The following RAI1 variants were observed in gnomAD, a reference collection of about 807,000 sequenced individuals.
The protein encoded by RAI1 is retinoic acid-induced protein 1.
A neutral mutation model predicts 123.8 loss-of-function variants in RAI1; 9 were observed. The observed-to-expected ratio is 0.07, with a 90% CI of 0.04 to 0.13. The LOEUF (loss-of-function observed/expected upper bound fraction) is 0.13, where lower values mean the gene tolerates loss of function less well. Among genes scored for constraint, RAI1 ranks in the 10% least tolerant of loss-of-function variants. The pLI is 1.00. For missense variants in RAI1, 2,256 were observed against 2,545.8 expected, an observed-to-expected ratio of 0.89 and a Z score of 2.45; for synonymous variants, 1,231 against 1,127.3, an observed-to-expected ratio of 1.09 and a Z score of -1.84.
Position 17,799,303 on chromosome 17 carries a change from C to T in RAI1, c.5565+790C>T, listed in dbSNP as rs1300336074. Among the ~76,000 whole-genome samples, 2 of 152,152 alleles carry T rather than the reference C, an allele frequency of 1.3e-5. No individual in the cohort carries two copies. Among genetic ancestry groups the T allele is most frequent in the Non-Finnish European group, 2.9e-5 (2 of 68,020 alleles). Reference sequence around the variant, plus strand: ...AAAAGGTGGGCACCTCTGAGCCCACCGAGCACAGCAGCCCTGTGATAGTCA... The same window carrying T: ...AAAAGGTGGGCACCTCTGAGCCCACTGAGCACAGCAGCCCTGTGATAGTCA... On this transcript the variant is annotated intron_variant, in intron 3 of 5. Transcript: ENST00000353383. This position sits in a 1 kb window ranked among gnomAD's most constrained non-coding sequence, Gnocchi z 4.5.
chr17:17,800,200 C>CTCTCTG lies in RAI1; in HGVS notation c.5565+1692_5565+1693insGTCTCT, dbSNP rs1567932600. On this transcript the variant is annotated intron_variant, in intron 3 of 5. Transcript: ENST00000353383. The surrounding 1 kb of genome is among the most constrained non-coding windows in gnomAD (Gnocchi z 4.7). ...TCTCTGTCTCTCTCTCTCTCTCTCT[C>CTCTCTG]TCTCTCTCTCTCTCTCTCTCTCTCT... Among the ~76,000 whole-genome samples, 20 of 129,028 alleles carry CTCTCTG rather than the reference C, an allele frequency of 1.6e-4. 1 individual carries two copies. Among genetic ancestry groups the CTCTCTG allele is most frequent in the African/African-American group, 6.1e-4 (20 of 32,584 alleles). The allele number at this position is 129,028 out of a possible 152,430, so 84.6% of individuals were successfully genotyped here.
chr17:17,811,005 A>T lies in RAI1; in HGVS notation c.*1024A>T. 1 of 313,214 alleles carries T rather than the reference A, an allele frequency of 3.2e-6. No homozygotes were observed. The highest frequency in any genetic ancestry group is 2.3e-5 in the South Asian group (1 of 43,808). 19.4% of individuals were successfully genotyped at this position (313,214 alleles called of 1,614,324 possible). A position where few individuals can be genotyped will look rare whatever the true frequency, so the allele number is the denominator to read the frequency against. The stretch of plus-strand genomic sequence containing the variant: ...GTCGTGCGCCCGCAACAGAGCCCCA[A>T]CCGGGCCTTTGCCGGGTAAGGGGCT... On this transcript the variant is annotated 3_prime_UTR_variant, in exon 6 of 6. Coordinates refer to ENST00000353383, the MANE Select transcript of RAI1 (RefSeq NM_030665.4).
At chr17:17,713,662 A>G (rs1297928757) in intron 1 of RAI1, among the ~76,000 whole-genome samples, 1 of 151,918 alleles carries the variant, frequency 6.6e-6, no homozygotes, top group Non-Finnish European at 1.5e-5. Context: ...TAAATAATAA[A>G]ATTTTAAAAA....
At position 17,800,180 on chromosome 17, in the gene RAI1, GTCTCTCTC is replaced by G. The variant is rs58147049; in HGVS notation, c.5565+1708_5565+1715del. Among the ~76,000 whole-genome samples the G allele has an allele frequency of 6.4e-3, 740 of 116,194 alleles. 7 individuals are homozygous for G. The highest frequency in any genetic ancestry group is 0.015 in the African/African-American group (507 of 33,376). 76.2% of individuals were successfully genotyped at this position (116,194 alleles called of 152,430 possible). A position where few individuals can be genotyped will look rare whatever the true frequency, so the allele number is the denominator to read the frequency against. ...TCTCTCCTGCTTTCTGTCTCTCTCTGTCTCTCTCTCTCTCTCTCTCTCTCTCTCTCTCT... is the reference window on the plus strand; with the variant it reads ...TCTCTCCTGCTTTCTGTCTCTCTCTGTCTCTCTCTCTCTCTCTCTCTCTCT... On this transcript the variant is annotated intron_variant, in intron 3 of 5. Transcript: ENST00000353383. The surrounding 1 kb of genome is among the most constrained non-coding windows in gnomAD (Gnocchi z 4.7).
Position 17,810,161 on chromosome 17 carries a change from C to T in RAI1, c.*180C>T. 1 of 915,144 alleles carries T rather than the reference C, an allele frequency of 1.1e-6. No homozygotes were observed. Among genetic ancestry groups the T allele is most frequent in the South Asian group, 1.8e-5 (1 of 54,860 alleles). 56.7% of individuals were successfully genotyped at this position (915,144 alleles called of 1,614,324 possible). On this transcript the variant is annotated 3_prime_UTR_variant, in exon 6 of 6. Transcript: ENST00000353383. This position sits in a 1 kb window ranked among gnomAD's most constrained non-coding sequence, Gnocchi z 4.6. ...CCGCCTAGGGCTCAGACTTGCGGCC[C>T]CGGGTTGGGAGGAAAACCCGTTCCG...
intron 2 of RAI1, among the ~76,000 whole-genome samples, chr17:17,773,824 C>CT (rs1317054616): frequency 6.6e-6 from 1 of 152,180 alleles, no homozygotes; most frequent in African/African-American, 2.4e-5. Flanking sequence ...CCTCTGGAAA[C>CT]TGAGTTCGAA....
At position 17,809,450 on chromosome 17, in the gene RAI1, A is replaced by G. The variant is rs1598101953; in HGVS notation, c.5709+11A>G. 6.3e-7 allele frequency: 1 copy of G among 1,591,222 alleles called. No individual in the cohort carries two copies. On this transcript the variant is annotated intron_variant, in intron 5 of 5. Transcript: ENST00000353383. The surrounding 1 kb of genome is among the most constrained non-coding windows in gnomAD (Gnocchi z 4.9). The stretch of plus-strand genomic sequence containing the variant: ...TGTCCCAAACATAAGGTAGGGGACC[A>G]CAGTGTTTTGTAGGGCGAGGGGTGT...
chr17:17,785,254 C>G (rs1056245536), intron 2 of RAI1, among the ~76,000 whole-genome samples: 7 of 152,246 alleles, frequency 4.6e-5, no homozygotes, highest in Non-Finnish European at 4.4e-5. Flanking sequence ...TGCATGCATC[C>G]TGGCCTCCAG....
At chr17:17,732,235 G>A (rs1916294874) in intron 2 of RAI1, among the ~76,000 whole-genome samples, 1 of 152,202 alleles carries the variant, frequency 6.6e-6, no homozygotes, top group South Asian at 2.1e-4. Flanking sequence ...GCTAAACCCT[G>A]GGCTGTGTTG....
Position 17,809,541 on chromosome 17 carries a change from C to G in RAI1, c.5709+102C>G. ...CCCCTGGGCCCCCTTGGCTGCGCAGCCCCGCAGGGCCCAGCCCTAGGGGAG... is the reference window on the plus strand; with the variant it reads ...CCCCTGGGCCCCCTTGGCTGCGCAGGCCCGCAGGGCCCAGCCCTAGGGGAG... On this transcript the variant is annotated intron_variant, in intron 5 of 5. Coordinates refer to ENST00000353383, the MANE Select transcript of RAI1 (RefSeq NM_030665.4). The surrounding 1 kb of genome is among the most constrained non-coding windows in gnomAD (Gnocchi z 4.9). The G allele has an allele frequency of 7.8e-7, 1 of 1,283,634 alleles. No individual in the cohort carries two copies. Among genetic ancestry groups the G allele is most frequent in the Non-Finnish European group, 1.1e-6 (1 of 890,942 alleles). The allele number at this position is 1,283,634 out of a possible 1,614,324, so 79.5% of individuals were successfully genotyped here.
At chr17:17,721,582 C>T (rs866241085) in intron 1 of RAI1, among the ~76,000 whole-genome samples, 1 of 152,282 alleles carries the variant, frequency 6.6e-6, no homozygotes, top group Middle Eastern at 3.4e-3. Context: ...CTGTCATCAA[C>T]CACCTGGGGG....
intron 2 of RAI1, among the ~76,000 whole-genome samples, chr17:17,745,405 T>TTGTGTG (rs112938506): frequency 2.0e-4 from 29 of 147,746 alleles, no homozygotes; most frequent in African/African-American, 2.2e-4. Context: ...TTGAAGGCTT[T>TTGTGTG]TGTGTGTGTG....
At chr17:17,733,906 G>C (rs1488764233) in intron 2 of RAI1, among the ~76,000 whole-genome samples, 1 of 152,178 alleles carries the variant, frequency 6.6e-6, no homozygotes, top group African/African-American at 2.4e-5. Flanking sequence ...GGGGCTGGGA[G>C]ACCCGGGGCC....
chr17:17,759,823 A>C (rs1287809819), intron 2 of RAI1, among the ~76,000 whole-genome samples: 1 of 152,164 alleles, frequency 6.6e-6, no homozygotes, highest in Non-Finnish European at 1.5e-5. Context: ...AAAGAAGTGG[A>C]AGCTGTGTCC....
intron 1 of RAI1, among the ~76,000 whole-genome samples, chr17:17,692,592 C>T (rs777142713): frequency 2.0e-5 from 3 of 152,236 alleles, no homozygotes; most frequent in Non-Finnish European, 4.4e-5. Context: ...TTACCCCCTT[C>T]CCCATGTTAG....
intron 2 of RAI1, chr17:17,778,800 G>C (rs1308300798): frequency 4.4e-6 from 2 of 456,762 alleles, no homozygotes; most frequent in Non-Finnish European, 8.8e-6. Flanking sequence ...CTGGGGCCAG[G>C]CCAAGCTAGC....
intron 2 of RAI1, among the ~76,000 whole-genome samples, chr17:17,732,456 C>G (rs1916302626): frequency 6.6e-6 from 1 of 152,180 alleles, no homozygotes; most frequent in Non-Finnish European, 1.5e-5. Context: ...CTGCCATTCA[C>G]TTAGTCACCT....
chr17:17,791,139 G>A (rs562625321), intron 2 of RAI1, among the ~76,000 whole-genome samples: 5 of 152,326 alleles, frequency 3.3e-5, no homozygotes, highest in Admixed American at 6.5e-5. Flanking sequence ...GAAAGTGGCC[G>A]GCCCCCACAC....
At chr17:17,717,013 A>G (rs1055023554) in intron 1 of RAI1, among the ~76,000 whole-genome samples, 3 of 152,162 alleles carry the variant, frequency 2.0e-5, no homozygotes, top group African/African-American at 7.2e-5. Flanking sequence ...AGCAGTGGCT[A>G]GATGTCTGTG....
Sources: gnomAD v4.1 joint callset for allele counts (sites outside exome capture counted in the v4.1 genomes callset) on GRCh38, gnomAD v4.1.1 for gene constraint, Gnocchi (gnomAD v3.1) non-coding constraint, MANE v1.5 for transcripts, NCBI Gene and HGNC (gene_info 2026-07-23, HGNC 2026-07-21) for gene names.